Variants in PON2 observed in about 807,000 individuals in gnomAD.
PON2 encodes paraoxonase 2, also known as serum paraoxonase/arylesterase 2.
In PON2, 27 loss-of-function variants were observed where a neutral mutation model predicts 36.6. The ratio of observed to expected loss-of-function variants is 0.74; its 90% confidence interval spans 0.54 to 1.02. The LOEUF (loss-of-function observed/expected upper bound fraction) is 1.02. Among genes scored for constraint, PON2 ranks in the 50% least tolerant of loss-of-function variants. The probability of loss-of-function intolerance (pLI) is 0.00; values close to 1 mark genes in which losing one functional copy is unlikely to be tolerated. For missense variants in PON2, 363 were observed against 421.1 expected, an observed-to-expected ratio of 0.86 and a Z score of 1.21; for synonymous variants, 149 against 156.3, an observed-to-expected ratio of 0.95 and a Z score of 0.35.
At chr7:95,434,811 CCCCGCA>C in intron 1 of PON2, 61 bp downstream of exon 1, 1 of 1,506,780 alleles carries the variant, frequency 6.6e-7, no homozygotes, top group East Asian at 2.6e-5. Context: ...CCTGCGCCCT[CCCCGCA>C]CCACGCGGCC....
At chr7:95,412,580 A>C in intron 3 of PON2, 103 bp from the exon 4 acceptor site, 1 of 1,240,686 alleles carries the variant, frequency 8.1e-7, no homozygotes, top group Non-Finnish European at 1.2e-6. Flanking sequence ...TGGTTAAAGT[A>C]GTGGCATAAA....
intron 2 of PON2, among the ~76,000 whole-genome samples, chr7:95,421,278 T>C (rs1789186050): frequency 6.6e-6 from 1 of 152,250 alleles, no homozygotes. Flanking sequence ...GTAAGAGGAA[T>C]GCACTTGGCA....
At position 95,420,670 on chromosome 7, in the gene PON2, G is replaced by A. The variant is rs77500435; in HGVS notation, c.145+3845C>T. Reference sequence around the variant, plus strand: ...AGCACGGTAGTGTGTGCATATGTATGTGTGTGTTGATGGGAATCAAGGGCA... The same window carrying A: ...AGCACGGTAGTGTGTGCATATGTATATGTGTGTTGATGGGAATCAAGGGCA... On this transcript the variant is annotated intron_variant, in intron 2 of 8. Transcript: ENST00000222572. Among the ~76,000 whole-genome samples, 830 of 152,320 alleles carry A rather than the reference G, an allele frequency of 5.4e-3. 13 individuals are homozygous for A. The highest frequency in any genetic ancestry group is 0.019 in the African/African-American group (791 of 41,570).
At chr7:95,413,739 A>T (rs1385459599) in intron 3 of PON2, among the ~76,000 whole-genome samples, 2 of 152,224 alleles carry the variant, frequency 1.3e-5, no homozygotes, top group African/African-American at 4.8e-5. Flanking sequence ...TATTTACACA[A>T]ATTTAGGCAC....
Position 95,406,060 on chromosome 7 carries a change from GTAT to G in PON2, c.906+56_906+58del, listed in dbSNP as rs979089370. The G allele has an allele frequency of 1.5e-5, 23 of 1,519,404 alleles. No individual in the cohort carries two copies. The African/African-American group carries it at 2.8e-4, about 18-fold the overall frequency. 94.1% of individuals were successfully genotyped at this position (1,519,404 alleles called of 1,614,324 possible). A position where few individuals can be genotyped will look rare whatever the true frequency, so the allele number is the denominator to read the frequency against. ...CAAATCATCCCTGTGACAATTTATT[GTAT>G]TATTAGTTCAAAAGGACTTGAATAA... is the stretch of plus-strand genomic sequence containing the variant. On this transcript the variant is annotated intron_variant, in intron 8 of 8. Coordinates refer to ENST00000222572, the MANE Select transcript of PON2 (RefSeq NM_000305.3).
intron 1 of PON2, among the ~76,000 whole-genome samples, chr7:95,429,850 G>C (rs1282820107): frequency 1.3e-5 from 2 of 152,154 alleles, no homozygotes; most frequent in Non-Finnish European, 2.9e-5. Flanking sequence ...CTTGCACTAA[G>C]TAACTAAGAA....
Position 95,405,332 on chromosome 7 carries a change from A to C in PON2, c.1063T>G (p.Ter355GluextTer6). Residue 355 changes from the stop codon to glutamate (E), a stop_lost, in exon 9 of 9, where the codon TAA (stop) becomes GAA (glutamate). Coordinates refer to ENST00000222572, the MANE Select transcript of PON2 (RefSeq NM_000305.3). The part of the protein sequence containing the change: ...LYHRALYCEL[*>E] ...CACTTTCATGCCAAAAGTACAATTT[A>C]GAGTTCACAATACAAGGCTCTGTGG... is the stretch of plus-strand genomic sequence containing the variant. The C allele has an allele frequency of 6.2e-7, 1 of 1,613,476 alleles. No homozygotes were observed. Among genetic ancestry groups the C allele is most frequent in the Non-Finnish European group, 8.5e-7 (1 of 1,179,458 alleles).
At position 95,424,606 on chromosome 7, in the gene PON2, CA is replaced by C. The variant is rs758229221; in HGVS notation, c.75-22del. The C allele has an allele frequency of 1.1e-5, 18 of 1,570,786 alleles. No homozygotes were observed. In the South Asian group the frequency reaches 1.6e-4, roughly 14 times the overall value. ...GATTTCTGTTACAAAGAAAAAAAAA[CA>C]AAAAACAAAAAACTATTTGTTTATG... On this transcript the variant is annotated intron_variant, in intron 1 of 8. Transcript: ENST00000222572.
intron 2 of PON2, among the ~76,000 whole-genome samples, chr7:95,423,245 C>T (rs1789235113): frequency 6.7e-6 from 1 of 150,184 alleles, no homozygotes; most frequent in Non-Finnish European, 1.5e-5. Flanking sequence ...TCGCTTGAGC[C>T]CAGGATATCA....
At chr7:95,431,276 A>G (rs1377354608) in intron 1 of PON2, among the ~76,000 whole-genome samples, 8 of 152,164 alleles carry the variant, frequency 5.3e-5, no homozygotes, top group Non-Finnish European at 7.3e-5. Flanking sequence ...ACCTGGGGAG[A>G]GAAATAACTT....
intron 7 of PON2, 135 bp from the exon 8 acceptor site, chr7:95,406,382 C>T: frequency 7.3e-6 from 7 of 963,238 alleles, no homozygotes; most frequent in Non-Finnish European, 1.1e-5. Flanking sequence ...ACCAATATTG[C>T]TTAAAAGGAA....
rs572321024 is a variant in PON2 at position 95,405,900 on chromosome 7, C to T, written c.906+219G>A. Among the ~76,000 whole-genome samples, 26 of 152,250 alleles carry T rather than the reference C, an allele frequency of 1.7e-4. No homozygotes were observed. In the South Asian group the frequency reaches 4.8e-3, roughly 28 times the overall value. ...ATAAAAATGCCTTTTGACTAGTTTC[C>T]ACCATAATTTAATACATCAAAAGAT... On this transcript the variant is annotated intron_variant, in intron 8 of 8. Transcript: ENST00000222572.
intron 1 of PON2, among the ~76,000 whole-genome samples, chr7:95,427,017 A>G (rs1486607111): frequency 1.3e-5 from 2 of 152,196 alleles, no homozygotes; most frequent in African/African-American, 4.8e-5. Flanking sequence ...TTGGTGCTAA[A>G]TAGGGCAATC....
At chr7:95,406,947 A>G in intron 7 of PON2, 40 bp downstream of exon 7, 1 of 1,222,654 alleles carries the variant, frequency 8.2e-7, no homozygotes, top group Non-Finnish European at 1.2e-6. Flanking sequence ...ATTGCAAAGC[A>G]TAATAGATTA....
Position 95,432,915 on chromosome 7 carries a change from C to T in PON2, c.74+1963G>A, listed in dbSNP as rs1464415497. On this transcript the variant is annotated intron_variant, in intron 1 of 8. Coordinates refer to ENST00000222572, the MANE Select transcript of PON2 (RefSeq NM_000305.3). Reference sequence around the variant, plus strand: ...CTCTGGTAGCACCTTTGACTTCTCCCTCATCCCTGGGGTTCCAGAGTTTGG... The same window carrying T: ...CTCTGGTAGCACCTTTGACTTCTCCTTCATCCCTGGGGTTCCAGAGTTTGG... Among the ~76,000 whole-genome samples the T allele has an allele frequency of 2.0e-5, 3 of 152,316 alleles. No individual in the cohort carries two copies. In the East Asian group the frequency reaches 5.8e-4, roughly 29 times the overall value.
At chr7:95,420,706 A>C (rs1307998878) in intron 2 of PON2, among the ~76,000 whole-genome samples, 1 of 152,156 alleles carries the variant, frequency 6.6e-6, no homozygotes, top group Non-Finnish European at 1.5e-5. Flanking sequence ...AGGGGGAAGG[A>C]AGGTTCACCT....
At chr7:95,412,800 T>C (rs1788963299) in intron 3 of PON2, 1 of 383,360 alleles carries the variant, frequency 2.6e-6, no homozygotes, top group Non-Finnish European at 4.9e-6. Context: ...ATTTGTTCAC[T>C]GCTAGATCCC....
At chr7:95,425,894 A>G (rs1203658165) in intron 1 of PON2, among the ~76,000 whole-genome samples, 1 of 152,098 alleles carries the variant, frequency 6.6e-6, no homozygotes, top group Non-Finnish European at 1.5e-5. Context: ...AAAATAATGC[A>G]TTAAATGTAT....
rs1809662456 is a variant in PON2 at position 95,405,569 on chromosome 7, A to C, written c.907-81T>G. Reference sequence around the variant, plus strand: ...ATCATCAATAAGCCCTGTTTTCCACAATGACACACTGATTAAGGGGACATG... The same window carrying C: ...ATCATCAATAAGCCCTGTTTTCCACCATGACACACTGATTAAGGGGACATG... On this transcript the variant is annotated intron_variant, in intron 8 of 8. Coordinates refer to ENST00000222572, the MANE Select transcript of PON2 (RefSeq NM_000305.3). 6.7e-6 allele frequency: 9 copies of C among 1,338,062 alleles called. No individual in the cohort carries two copies. In the South Asian group the frequency reaches 1.1e-4, roughly 16 times the overall value. 82.9% of individuals were successfully genotyped at this position (1,338,062 alleles called of 1,614,324 possible). A position where few individuals can be genotyped will look rare whatever the true frequency, so the allele number is the denominator to read the frequency against.
Sources: gnomAD v4.1 joint callset for allele counts (sites outside exome capture counted in the v4.1 genomes callset) on GRCh38, gnomAD v4.1.1 for gene constraint, MANE v1.5 for transcripts, NCBI Gene and HGNC (gene_info 2026-07-23, HGNC 2026-07-21) for gene names.